PPFIA2: variants seen among roughly 807,000 people sequenced by gnomAD.
PPFIA2 encodes PPFI scaffold protein A2, also known as liprin-alpha-2.
PPFIA2 carries 46 observed loss-of-function variants against 175.5 expected under a neutral mutation model. The observed-to-expected ratio is 0.26, with a 90% CI of 0.21 to 0.34. The LOEUF is 0.34. Ranked by LOEUF, PPFIA2 falls within the 10% of genes least tolerant of loss-of-function variation. The probability of loss-of-function intolerance (pLI) is 1.00; values close to 1 mark genes in which losing one functional copy is unlikely to be tolerated. For synonymous variants in PPFIA2, 568 were observed against 511.4 expected (o/e 1.11, Z -1.49); for missense variants, 1,179 against 1,506.1 (o/e 0.78, Z 3.60).
At position 81,281,358 on chromosome 12, in the gene PPFIA2, G is replaced by T; in HGVS notation, c.3111C>A (p.Tyr1037Ter). The change falls in exon 27 of 33, where the codon TAC becomes TAA. Residue 1037 changes from tyrosine (Y) to a stop codon, truncating the protein, a stop_gained. Transcript: ENST00000549396. LOFTEE classifies it high-confidence loss of function. ...EWLPSLGLPQ[Y>*]RSYFMECLVD... ...CCAAGCATTCCATAAAGTAACTTCT[G>T]TACTGAGGTAACCCCAAGCTGGGAA... 1 of 1,610,096 alleles carries T rather than the reference G, an allele frequency of 6.2e-7. No homozygotes were observed. The highest frequency in any genetic ancestry group is 8.5e-7 in the Non-Finnish European group (1 of 1,176,734).
chr12:81,390,124 T>C (rs919495745), intron 8 of PPFIA2, among the ~76,000 whole-genome samples: 8 of 152,062 alleles, frequency 5.3e-5, no homozygotes, highest in Non-Finnish European at 1.2e-4. Context: ...CACACCTCAT[T>C]TCTACATTGA....
At chr12:81,569,209 G>T (rs553547835) in intron 4 of PPFIA2, among the ~76,000 whole-genome samples, 2 of 152,170 alleles carry the variant, frequency 1.3e-5, no homozygotes, top group African/African-American at 4.8e-5. Context: ...TAATAGAGTT[G>T]CTTTTTTTAT....
Position 81,679,240 on chromosome 12 carries a change from T to G in PPFIA2, c.250-2396A>C, listed in dbSNP as rs759452378. Reference sequence around the variant, plus strand: ...CTATGACCATACTGAAAAGTTTCTGTTCATGTAAAATGTTATTTCCAATTA... The same window carrying G: ...CTATGACCATACTGAAAAGTTTCTGGTCATGTAAAATGTTATTTCCAATTA... On this transcript the variant is annotated intron_variant, in intron 3 of 32. Coordinates refer to ENST00000549396, the MANE Select transcript of PPFIA2 (RefSeq NM_003625.5). 2.0e-5 allele frequency among the ~76,000 whole-genome samples: 3 copies of G among 151,994 alleles called. No homozygotes were observed. The East Asian group carries it at 5.8e-4, about 30-fold the overall frequency.
intron 24 of PPFIA2, among the ~76,000 whole-genome samples, chr12:81,290,687 T>G (rs1284556203): frequency 6.6e-6 from 1 of 151,856 alleles, no homozygotes; most frequent in Non-Finnish European, 1.5e-5. Flanking sequence ...TTTTAAAATG[T>G]AAATTAAGCA....
chr12:81,579,566 C>T (rs74106663), intron 4 of PPFIA2, among the ~76,000 whole-genome samples: 18,307 of 151,692 alleles, frequency 0.12, 1,220 homozygotes, highest in Middle Eastern at 0.13. Context: ...ATTTAATTAG[C>T]TTATTTTCAT....
intron 4 of PPFIA2, among the ~76,000 whole-genome samples, chr12:81,519,223 T>C (rs2062821288): frequency 1.3e-5 from 2 of 152,184 alleles, no homozygotes; most frequent in Non-Finnish European, 2.9e-5. Context: ...CATTGGTCCA[T>C]TAAAATAACT....
chr12:81,631,615 G>T (rs2063397284), intron 4 of PPFIA2, among the ~76,000 whole-genome samples: 1 of 152,134 alleles, frequency 6.6e-6, no homozygotes, highest in East Asian at 1.9e-4. Flanking sequence ...GATACATGGG[G>T]ATCTAACTCA....
chr12:81,344,587 G>C (rs1038956182), intron 19 of PPFIA2, 77 bp downstream of exon 19: 2 of 1,042,726 alleles, frequency 1.9e-6, no homozygotes, highest in African/African-American at 3.2e-5. Flanking sequence ...CATTCGACTA[G>C]AGGGAATATT....
chr12:81,351,998 A>G (rs974663741), intron 17 of PPFIA2, among the ~76,000 whole-genome samples: 1 of 152,140 alleles, frequency 6.6e-6, no homozygotes, highest in African/African-American at 2.4e-5. Flanking sequence ...GGTTTATCCC[A>G]TTTAAAGGCA....
intron 3 of PPFIA2, among the ~76,000 whole-genome samples, chr12:81,677,214 T>G (rs1218252989): frequency 6.6e-6 from 1 of 151,932 alleles, no homozygotes; most frequent in Non-Finnish European, 1.5e-5. Flanking sequence ...ATATTTAATT[T>G]TTTTTTATTT....
intron 8 of PPFIA2, among the ~76,000 whole-genome samples, chr12:81,394,859 ATATTG>A (rs1167461407): frequency 6.6e-6 from 1 of 152,042 alleles, no homozygotes; most frequent in Non-Finnish European, 1.5e-5. Context: ...AAAGATGAGT[ATATTG>A]TATTCTGAAA....
chr12:81,663,482 T>C (rs1355363392), intron 4 of PPFIA2, among the ~76,000 whole-genome samples: 3 of 151,956 alleles, frequency 2.0e-5, no homozygotes, highest in Non-Finnish European at 2.9e-5. Context: ...CAACTTACAA[T>C]GGATGGAAGG....
intron 3 of PPFIA2, among the ~76,000 whole-genome samples, chr12:81,693,433 C>T (rs373178546): frequency 6.6e-6 from 1 of 152,070 alleles, no homozygotes; most frequent in African/African-American, 2.4e-5. Flanking sequence ...GTGTGATGTC[C>T]CTGTTCCCCC....
chr12:81,684,457 G>A (rs929607690), intron 3 of PPFIA2, among the ~76,000 whole-genome samples: 2 of 152,064 alleles, frequency 1.3e-5, no homozygotes, highest in Non-Finnish European at 2.9e-5. Flanking sequence ...TTGCCACACA[G>A]TGGAGACTCA....
chr12:81,552,046 C>T (rs1303767967), intron 4 of PPFIA2, among the ~76,000 whole-genome samples: 1 of 151,490 alleles, frequency 6.6e-6, no homozygotes, highest in Non-Finnish European at 1.5e-5. Context: ...ATTTAACTTA[C>T]ACAATTTTAA....
intron 24 of PPFIA2, among the ~76,000 whole-genome samples, chr12:81,286,852 T>C (rs1434308119): frequency 1.3e-5 from 2 of 152,034 alleles, no homozygotes; most frequent in Non-Finnish European, 2.9e-5. Flanking sequence ...TTCTATAAGA[T>C]AAATCTGTGT....
intron 4 of PPFIA2, among the ~76,000 whole-genome samples, chr12:81,568,601 T>C (rs1197347165): frequency 1.3e-5 from 2 of 152,190 alleles, no homozygotes; most frequent in African/African-American, 2.4e-5. Flanking sequence ...CAGGGAGATT[T>C]GATCTGAGAA....
At chr12:81,571,914 T>G (rs900365447) in intron 4 of PPFIA2, among the ~76,000 whole-genome samples, 1 of 152,092 alleles carries the variant, frequency 6.6e-6, no homozygotes, top group East Asian at 1.9e-4. Context: ...TTTCATATAC[T>G]GAAGTGGCAT....
At chr12:81,731,731 C>T (rs766562998) in intron 3 of PPFIA2, among the ~76,000 whole-genome samples, 2 of 151,580 alleles carry the variant, frequency 1.3e-5, no homozygotes, top group Non-Finnish European at 3.0e-5. Context: ...TCTTTGCAAA[C>T]TAGAGAAGGT....
Sources: gnomAD v4.1 joint callset for allele counts (sites outside exome capture counted in the v4.1 genomes callset) on GRCh38, gnomAD v4.1.1 for gene constraint, MANE v1.5 for transcripts, NCBI Gene and HGNC (gene_info 2026-07-23, HGNC 2026-07-21) for gene names.